ST7L: variants seen among roughly 807,000 people sequenced by gnomAD.
ST7L encodes the protein suppressor of tumorigenicity 7 protein-like.
Under a neutral mutation model 72.5 loss-of-function variants are expected in ST7L, and 57 were observed. That is an observed-to-expected ratio of 0.79 (90% confidence interval 0.64 to 0.98). The LOEUF (loss-of-function observed/expected upper bound fraction) is 0.98, where lower values mean the gene tolerates loss of function less well. ST7L is among the 50% of genes least tolerant of loss of function. ST7L has a pLI of 0.00. For synonymous variants in ST7L, 221 were observed against 240.9 expected, an observed-to-expected ratio of 0.92 and a Z score of 0.77; for missense variants, 576 against 672.2, an observed-to-expected ratio of 0.86 and a Z score of 1.58.
At chr1:112,530,273 A>G (rs1440564804) in intron 14 of ST7L, 1 of 152,180 alleles carries the variant, frequency 6.6e-6, no homozygotes, top group African/African-American at 2.4e-5. Context: ...TATTATTATA[A>G]TATTTGCATG....
At chr1:112,600,773 A>C in intron 4 of ST7L, 21 bp downstream of exon 4, 1 of 1,603,164 alleles carries the variant, frequency 6.2e-7, no homozygotes, top group African/African-American at 1.3e-5. Context: ...CCCTACTTAT[A>C]CTGAAAGCAA....
chr1:112,522,305 C>G (rs949078243), downstream of ST7L: 1 of 152,264 alleles, frequency 6.6e-6, no homozygotes, highest in African/African-American at 2.4e-5. Flanking sequence ...GCTGGGCGTA[C>G]AAGCGCAAGC....
downstream of ST7L, chr1:112,520,889 T>C (rs889090519): frequency 1.5e-5 from 3 of 200,812 alleles, no homozygotes; most frequent in East Asian, 3.7e-4. Flanking sequence ...GTAGAGAGCT[T>C]CTTTTTGTTT....
Position 112,556,966 on chromosome 1 carries a change from C to CAAAAAAAAAAA in ST7L, c.1246-959_1246-949dup, listed in dbSNP as rs60106072. 1.4e-3 allele frequency among the ~76,000 whole-genome samples: 69 copies of CAAAAAAAAAAA among 49,530 alleles called. 2 individuals carry two copies. Among genetic ancestry groups the CAAAAAAAAAAA allele is most frequent in the African/African-American group, 2.6e-3 (38 of 14,672 alleles). The allele number at this position is 49,530 out of a possible 152,430, so 32.5% of individuals were successfully genotyped here. On this transcript the variant is annotated intron_variant, in intron 11 of 14. Coordinates refer to ENST00000358039, the MANE Select transcript of ST7L (RefSeq NM_017744.5). The stretch of plus-strand genomic sequence containing the variant: ...CTGGCGACAGAGCGAGACTCTGTCT[C>CAAAAAAAAAAA]AAAAAAAAAAAAAAAAAACAAAAAA...
chr1:112,610,840 C>T lies in ST7L; in HGVS notation c.451+1G>A. The T allele has an allele frequency of 6.2e-7, 1 of 1,613,340 alleles. No homozygotes were observed. Among genetic ancestry groups the T allele is most frequent in the Non-Finnish European group, 8.5e-7 (1 of 1,179,764 alleles). ...TGAAAACACATTAGAAAAGTAGTCA[C>T]CTGACAAATTCTGTCTGCTGGTTTC... On this transcript the variant is annotated splice_donor_variant, in intron 3 of 14. Transcript: ENST00000358039. LOFTEE classifies it high-confidence loss of function.
intron 5 of ST7L, among the ~76,000 whole-genome samples, chr1:112,592,928 A>G (rs1665913592): frequency 1.3e-5 from 2 of 152,146 alleles, no homozygotes; most frequent in African/African-American, 4.8e-5. Flanking sequence ...CTGGATCTGT[A>G]ACAAGTTTGG....
chr1:112,554,932 A>T lies in ST7L; in HGVS notation c.1396+936T>A, dbSNP rs141348140. Among the ~76,000 whole-genome samples the T allele has an allele frequency of 5.6e-4, 85 of 152,322 alleles. 2 individuals carry two copies. The East Asian group carries it at 0.014, about 26-fold the overall frequency. ...TTATATGAGGTACCTAGAGTAGTCA[A>T]ACTCATAGAGACAAAGTAGAATGGT... is the stretch of plus-strand genomic sequence containing the variant. On this transcript the variant is annotated intron_variant, in intron 12 of 14. Coordinates refer to ENST00000358039, the MANE Select transcript of ST7L (RefSeq NM_017744.5).
intron 11 of ST7L, among the ~76,000 whole-genome samples, chr1:112,570,967 C>T (rs192854976): frequency 3.9e-5 from 6 of 152,220 alleles, no homozygotes; most frequent in Admixed American, 6.5e-5. Flanking sequence ...GTCAGGAGTT[C>T]GAGACCAGCC....
chr1:112,602,713 CTTTTTTTTT>C, intron 3 of ST7L, among the ~76,000 whole-genome samples: 1 of 120,510 alleles, frequency 8.3e-6, no homozygotes, highest in East Asian at 2.3e-4. Context: ...CATTTTCTTT[CTTTTTTTTT>C]TTTTTTTTTT....
chr1:112,520,423 G>A (rs1234642238), downstream of ST7L: 1 of 1,614,152 alleles, frequency 6.2e-7, no homozygotes, highest in Admixed American at 1.7e-5. Context: ...CTGGTGCTGT[G>A]CTGTACGGTG....
At chr1:112,539,325 TTGTC>T (rs1655707863) in intron 14 of ST7L, 2 of 151,708 alleles carry the variant, frequency 1.3e-5, no homozygotes, top group Non-Finnish European at 2.9e-5. Context: ...CCCTTGCTGT[TTGTC>T]TGTCTATAAA....
intron 11 of ST7L, 112 bp from the exon 12 acceptor site, chr1:112,556,130 C>A: frequency 1.1e-6 from 1 of 879,950 alleles, no homozygotes; most frequent in South Asian, 4.2e-5. Context: ...GAAAGTTAAA[C>A]TGATTTTTAA....
rs1356692349 is a variant in ST7L at position 112,542,021 on chromosome 1, C to T, written c.1559G>A (p.Cys520Tyr). 3.7e-6 allele frequency: 6 copies of T among 1,613,648 alleles called. No individual in the cohort carries two copies. In the Admixed American group the frequency reaches 5.0e-5, roughly 13 times the overall value. Residue 520 changes from cysteine to tyrosine, a missense_variant, in exon 14 of 15, where the codon TGC (cysteine) becomes TAC (tyrosine). Around this residue, in one of 3 missense-constraint regions of ST7L, gnomAD observed 511 missense variants for 600.7 expected, o/e 0.85. Coordinates refer to ENST00000358039, the MANE Select transcript of ST7L (RefSeq NM_017744.5). Reference sequence around the variant, plus strand: ...AATGGCTATCATTGCTGTAGAAGAGCAAAATCCTGCTGTGAAATGGATGAA... The same window carrying T: ...AATGGCTATCATTGCTGTAGAAGAGTAAAATCCTGCTGTGAAATGGATGAA... ...PLFIHFTAGF[C>Y]SSTAMIAILT...
Position 112,610,881 on chromosome 1 carries a change from C to T in ST7L, c.411G>A (p.Ser137=), listed in dbSNP as rs1272785959. ...ESSISEPGSP[S]RNRENETSRQ... is the part of the protein sequence containing the mutation. ...TGCTGGTTTCATTTTCTCTGTTCCT[C>T]GAAGGAGAACCTGGTTCTGAAATGC... Residue 137 remains serine, a synonymous_variant, in exon 3 of 15, where the codon TCG becomes TCA. Transcript: ENST00000358039. 3.1e-6 allele frequency: 5 copies of T among 1,614,144 alleles called. No homozygotes were observed. Among genetic ancestry groups the T allele is most frequent in the Admixed American group, 1.7e-5 (1 of 60,000 alleles).
At chr1:112,541,917 A>G (rs1428988483) in intron 14 of ST7L, 34 bp downstream of exon 14, 1 of 1,605,796 alleles carries the variant, frequency 6.2e-7, no homozygotes, top group Admixed American at 1.7e-5. Flanking sequence ...GTGTTTTACA[A>G]ATAATCTACA....
At chr1:112,559,303 G>A (rs1443937477) in intron 11 of ST7L, among the ~76,000 whole-genome samples, 1 of 152,064 alleles carries the variant, frequency 6.6e-6, no homozygotes, top group East Asian at 1.9e-4. Context: ...GGAGTGCAGT[G>A]GCTCACCAGA....
rs771177916 is a variant in ST7L at position 112,600,793 on chromosome 1, C to A, written c.506+1G>T. 3.1e-6 allele frequency: 5 copies of A among 1,609,480 alleles called. No individual in the cohort carries two copies. The Admixed American group carries it at 8.4e-5, about 27-fold the overall frequency. On this transcript the variant is annotated splice_donor_variant, in intron 4 of 14. Transcript: ENST00000358039. LOFTEE classifies it high-confidence loss of function. ...CTTATACTGAAAGCAAAATGTAATA[C>A]CTCCTATATTCTGCTCCTCTGAAAA...
intron 14 of ST7L, chr1:112,540,517 C>T: frequency 1.0e-6 from 1 of 985,352 alleles, no homozygotes; most frequent in Non-Finnish European, 1.2e-6. Context: ...CCCTGAACAA[C>T]AGTGGAAAGT....
At chr1:112,536,841 C>T (rs143177499) in intron 14 of ST7L, among the ~76,000 whole-genome samples, 3 of 152,264 alleles carry the variant, frequency 2.0e-5, no homozygotes, top group African/African-American at 7.2e-5. Context: ...CACCGCAGCA[C>T]AGCTACAATA....
Sources: allele counts gnomAD v4.1 joint callset (sites outside exome capture counted in the v4.1 genomes callset), GRCh38; gene constraint gnomAD v4.1.1; regional missense constraint gnomAD v4.1.1; transcripts MANE v1.5; gene names NCBI Gene and HGNC (gene_info 2026-07-23, HGNC 2026-07-21).